OSBPL9: variants seen among roughly 807,000 people sequenced by gnomAD.
The protein encoded by OSBPL9 is oxysterol-binding protein-related protein 9.
A neutral mutation model predicts 106.6 loss-of-function variants in OSBPL9; 40 were observed. That is an observed-to-expected ratio of 0.38 (90% confidence interval 0.29 to 0.49). The LOEUF is 0.49. OSBPL9 is among the 20% of genes least tolerant of loss of function. The pLI is 0.97. For synonymous variants in OSBPL9, 269 were observed against 295.4 expected, an observed-to-expected ratio of 0.91 and a Z score of 0.92; for missense variants, 609 against 887.2, an observed-to-expected ratio of 0.69 and a Z score of 3.98.
intron 2 of OSBPL9, among the ~76,000 whole-genome samples, chr1:51,662,989 C>G (rs1290853038): frequency 6.6e-6 from 1 of 152,040 alleles, no homozygotes; most frequent in Non-Finnish European, 1.5e-5. Context: ...CATGATCTGC[C>G]CGCCTTGGCC....
At chr1:51,585,592 A>G (rs573147500) in intron 1 of OSBPL9, among the ~76,000 whole-genome samples, 1 of 152,254 alleles carries the variant, frequency 6.6e-6, no homozygotes, top group Non-Finnish European at 1.5e-5. Context: ...CCTGACCAAC[A>G]TGGTGAAACC....
At chr1:51,769,460 T>C (rs1483254894) in intron 12 of OSBPL9, among the ~76,000 whole-genome samples, 3 of 152,196 alleles carry the variant, frequency 2.0e-5, no homozygotes, top group Non-Finnish European at 4.4e-5. Context: ...AGACCAGTCA[T>C]TGAACCTCCG....
rs536102553 is a variant in OSBPL9, at chr1:51,781,832, AG to A, written c.1428+499del. Among the ~76,000 whole-genome samples the A allele has an allele frequency of 1.4e-3, 209 of 152,246 alleles. 1 individual carries two copies. The highest frequency in any genetic ancestry group is 4.9e-3 in the African/African-American group (204 of 41,540). ...GCAGTGGCAGTGTCATTTACTGATA[AG>A]GAAAAGATTGGATTTGGGGAGGGAA... On this transcript the variant is annotated intron_variant, in intron 16 of 23. Coordinates refer to ENST00000428468, the MANE Select transcript of OSBPL9 (RefSeq NM_024586.6).
At chr1:51,645,610 C>G (rs1646106677) in intron 1 of OSBPL9, among the ~76,000 whole-genome samples, 1 of 151,922 alleles carries the variant, frequency 6.6e-6, no homozygotes, top group South Asian at 2.1e-4. Flanking sequence ...TGATAGTGTT[C>G]TTTAAGGACA....
rs1484288626 is a variant in OSBPL9 at position 51,788,772 on chromosome 1, T to TAGATAGATAGAATAAAATG, written c.*985_*1003dup. Among the ~76,000 whole-genome samples the TAGATAGATAGAATAAAATG allele has an allele frequency of 6.6e-6, 1 of 151,838 alleles. No homozygotes were observed. Among genetic ancestry groups the TAGATAGATAGAATAAAATG allele is most frequent in the African/African-American group, 2.4e-5 (1 of 41,214 alleles). The stretch of plus-strand genomic sequence containing the variant: ...CCACCCCACAGTGAACAAAAATAGA[T>TAGATAGATAGAATAAAATG]AGATAGATAGAATAAAATGAATGCC... On this transcript the variant is annotated 3_prime_UTR_variant, in exon 24 of 24. Coordinates refer to ENST00000428468, the MANE Select transcript of OSBPL9 (RefSeq NM_024586.6).
At chr1:51,610,090 A>G (rs1361311055) in intron 2 of OSBPL9, among the ~76,000 whole-genome samples, 1 of 152,110 alleles carries the variant, frequency 6.6e-6, no homozygotes, top group East Asian at 1.9e-4. Context: ...GTCACAATAC[A>G]CTGTGGATGA....
chr1:51,583,607 A>G (rs898510066), intron 1 of OSBPL9: 15 of 152,196 alleles, frequency 9.9e-5, no homozygotes, highest in Non-Finnish European at 1.6e-4. Context: ...GATCAGGCCT[A>G]TTCGGTTCGG....
chr1:51,528,849 G>A, the OSBPL9 span, among the ~76,000 whole-genome samples: 1 of 152,110 alleles, frequency 6.6e-6, no homozygotes, highest in Non-Finnish European at 1.5e-5. Context: ...ACTCCAGCCT[G>A]GGAGACAGAA....
chr1:51,776,809 G>A (rs755387387), intron 14 of OSBPL9, 24 bp from the exon 15 acceptor site: 9 of 1,469,292 alleles, frequency 6.1e-6, no homozygotes, highest in Admixed American at 1.8e-5. Context: ...TGATCTTCAA[G>A]GGTCAAATGT....
the OSBPL9 span, among the ~76,000 whole-genome samples, chr1:51,521,570 A>T: frequency 2.0e-5 from 3 of 152,124 alleles, no homozygotes; most frequent in South Asian, 6.2e-4. Flanking sequence ...TATGATTTAT[A>T]TTAAGTCAAA....
At chr1:51,664,228 T>C (rs1046317183) in intron 2 of OSBPL9, among the ~76,000 whole-genome samples, 1 of 152,166 alleles carries the variant, frequency 6.6e-6, no homozygotes, top group Non-Finnish European at 1.5e-5. Context: ...TAAATGTCCA[T>C]GCACAATGGA....
At chr1:51,537,250 G>C in the OSBPL9 span, among the ~76,000 whole-genome samples, 1 of 152,062 alleles carries the variant, frequency 6.6e-6, no homozygotes, top group East Asian at 1.9e-4. Context: ...CTTGTCCCAG[G>C]TTTGGCCAAT....
At chr1:51,744,816 G>C (rs1667636199) in intron 4 of OSBPL9, among the ~76,000 whole-genome samples, 1 of 152,186 alleles carries the variant, frequency 6.6e-6, no homozygotes, top group Non-Finnish European at 1.5e-5. Context: ...CATGCTCTTG[G>C]AGCTTAAACT....
chr1:51,644,062 A>G (rs1195834443), intron 1 of OSBPL9, among the ~76,000 whole-genome samples: 2 of 143,442 alleles, frequency 1.4e-5, no homozygotes, highest in South Asian at 2.4e-4. Flanking sequence ...CCTGGGCAAC[A>G]GAGTGAGACC....
chr1:51,747,247 G>A (rs759010774), intron 6 of OSBPL9, among the ~76,000 whole-genome samples: 1 of 152,208 alleles, frequency 6.6e-6, no homozygotes, highest in Non-Finnish European at 1.5e-5. Flanking sequence ...GATTACAGGT[G>A]TGAGCCACCA....
intron 3 of OSBPL9, among the ~76,000 whole-genome samples, chr1:51,713,309 C>T (rs1484622432): frequency 6.6e-6 from 1 of 151,990 alleles, no homozygotes; most frequent in Non-Finnish European, 1.5e-5. Context: ...GCCACCATGC[C>T]TGGCTAATTT....
intron 1 of OSBPL9, among the ~76,000 whole-genome samples, chr1:51,633,156 G>A (rs577125091): frequency 6.6e-6 from 1 of 151,672 alleles, no homozygotes; most frequent in South Asian, 2.1e-4. Context: ...ACGTGGTTTC[G>A]CCATGTTGGC....
chr1:51,785,743 C>T, intron 20 of OSBPL9, 65 bp from the exon 21 acceptor site: 1 of 1,419,818 alleles, frequency 7.0e-7, no homozygotes, highest in Non-Finnish European at 9.9e-7. Flanking sequence ...TTGGGCCACA[C>T]TGAGCAGATT....
chr1:51,604,258 T>C (rs931300515), intron 2 of OSBPL9, among the ~76,000 whole-genome samples: 1 of 152,114 alleles, frequency 6.6e-6, no homozygotes, highest in Non-Finnish European at 1.5e-5. Flanking sequence ...ATTTTACATT[T>C]AAAAAAATTC....
Sources: gnomAD v4.1 joint callset for allele counts (sites outside exome capture counted in the v4.1 genomes callset) on GRCh38, gnomAD v4.1.1 for gene constraint, MANE v1.5 for transcripts, NCBI Gene and HGNC (gene_info 2026-07-23, HGNC 2026-07-21) for gene names.